NAV3: variants seen among roughly 807,000 people sequenced by gnomAD.
The protein encoded by NAV3 is neuron navigator 3.
A neutral mutation model predicts 244.7 loss-of-function variants in NAV3; 87 were observed. The ratio of observed to expected loss-of-function variants is 0.36; its 90% CI spans 0.30 to 0.42. The LOEUF is 0.42. Among genes scored for constraint, NAV3 ranks in the 20% least tolerant of loss-of-function variants. The pLI is 1.00. For missense variants in NAV3, 2,663 were observed against 2,893.3 expected (o/e 0.92, Z 1.83); for synonymous variants, 1,126 against 1,042.2 (o/e 1.08, Z -1.55).
At chr12:77,777,874 C>G in intron 2 of NAV3, among the ~76,000 whole-genome samples, 1 of 151,048 alleles carries the variant, frequency 6.6e-6, no homozygotes, top group Admixed American at 6.6e-5. Context: ...GGCACGATGT[C>G]AGCTCACTGC....
At chr12:78,168,910 T>TGC in intron 24 of NAV3, 44 bp downstream of exon 24, 5 of 1,234,750 alleles carry the variant, frequency 4.0e-6, no homozygotes, top group Non-Finnish European at 5.8e-6. Context: ...ATAATAGACA[T>TGC]CTATTTTATT....
Position 77,947,750 on chromosome 12 carries a change from G to A in NAV3, c.414+6617G>A, listed in dbSNP as rs549364420. Among the ~76,000 whole-genome samples the A allele has an allele frequency of 5.3e-5, 8 of 151,538 alleles. No individual in the cohort carries two copies. In the East Asian group the frequency reaches 7.7e-4, roughly 15 times the overall value. On this transcript the variant is annotated intron_variant, in intron 3 of 39. Coordinates refer to ENST00000397909, the MANE Select transcript of NAV3 (RefSeq NM_001024383.2). The stretch of plus-strand genomic sequence containing the variant: ...ATTTCATTATTTTTATACAAACTTC[G>A]CAAAAATATGTATAAACTACTAGTA...
At chr12:77,582,622 G>T (rs529545553) in intron 2 of NAV3, among the ~76,000 whole-genome samples, 3 of 152,194 alleles carry the variant, frequency 2.0e-5, no homozygotes, top group African/African-American at 7.2e-5. Flanking sequence ...AGTCCACACA[G>T]GTAGGGCCAT....
chr12:78,181,022 A>G lies in NAV3; in HGVS notation c.5669A>G (p.Asn1890Ser). The change falls in exon 30 of 40, where the codon AAC (asparagine) becomes AGC (serine). Residue 1890 changes from asparagine (N) to serine (S), a missense_variant. Physicochemically the swap from Asn to Ser is conservative, Grantham distance 46. Coordinates refer to ENST00000397909, the MANE Select transcript of NAV3 (RefSeq NM_001024383.2). ...TTAGGACTTTCTCTAAACAATTTGAACATCACAGAGGCTGTTAGCTCAGGT... is the reference window on the plus strand; with the variant it reads ...TTAGGACTTTCTCTAAACAATTTGAGCATCACAGAGGCTGTTAGCTCAGGT... ...QSLGLSLNNL[N>S]ITEAVSSDIL... is the part of the protein sequence containing the mutation. 6.2e-7 allele frequency: 1 copy of G among 1,613,032 alleles called. No homozygotes were observed. The highest frequency in any genetic ancestry group is 8.5e-7 in the Non-Finnish European group (1 of 1,179,280).
intron 1 of NAV3, 47 bp downstream of exon 1, chr12:77,831,751 T>A (rs1402779404): frequency 5.8e-6 from 9 of 1,542,644 alleles, no homozygotes; most frequent in Non-Finnish European, 7.8e-6. Context: ...AAAATGCACA[T>A]TTCTCTTTAA....
chr12:78,154,256 T>TGTAATATATAGTATATATTACTAG (rs1957192522), intron 22 of NAV3, among the ~76,000 whole-genome samples: 2 of 128,424 alleles, frequency 1.6e-5, no homozygotes, highest in Admixed American at 8.8e-5. Flanking sequence ...TATATTACTA[T>TGTAATATATAGTATATATTACTAG]ATAATATATA....
At chr12:78,117,650 T>G (rs1955479317) in intron 13 of NAV3, among the ~76,000 whole-genome samples, 1 of 151,624 alleles carries the variant, frequency 6.6e-6, no homozygotes. Flanking sequence ...ATAGTCTAAT[T>G]TTAGATAGTT....
chr12:78,120,044 T>C lies in NAV3; in HGVS notation c.3749+99T>C, dbSNP rs571692286. 6.2e-3 allele frequency: 4,371 copies of C among 707,830 alleles called. 154 individuals are homozygous for C. The African/African-American group carries it at 0.094, about 15-fold the overall frequency. 43.8% of individuals were successfully genotyped at this position (707,830 alleles called of 1,614,324 possible). The stretch of plus-strand genomic sequence containing the variant: ...TGTGTGTATATATATATTTTAAATA[T>C]GTATAAGGTATATATATATCTTAGA... On this transcript the variant is annotated intron_variant, in intron 15 of 39. Coordinates refer to ENST00000397909, the MANE Select transcript of NAV3 (RefSeq NM_001024383.2).
chr12:78,189,775 T>A (rs1958893026), intron 33 of NAV3, among the ~76,000 whole-genome samples: 1 of 151,948 alleles, frequency 6.6e-6, no homozygotes, highest in African/African-American at 2.4e-5. Context: ...AACAGCTTGC[T>A]TTTGTTTAGA....
At chr12:77,860,646 A>T (rs569823487) in intron 1 of NAV3, among the ~76,000 whole-genome samples, 3 of 151,978 alleles carry the variant, frequency 2.0e-5, no homozygotes, top group Admixed American at 6.6e-5. Flanking sequence ...GCTAAACAAG[A>T]TTGCTAGATA....
At chr12:77,924,849 A>G (rs1888038371) in intron 1 of NAV3, among the ~76,000 whole-genome samples, 1 of 151,998 alleles carries the variant, frequency 6.6e-6, no homozygotes. Context: ...AATAATGATG[A>G]CTTATAGTGT....
chr12:78,034,347 T>C (rs1036681948), intron 9 of NAV3, among the ~76,000 whole-genome samples: 1 of 151,738 alleles, frequency 6.6e-6, no homozygotes, highest in African/African-American at 2.4e-5. Flanking sequence ...TCAAAGGGGG[T>C]TTTCAGAGCC....
intron 8 of NAV3, among the ~76,000 whole-genome samples, chr12:78,021,059 A>C (rs186498664): frequency 6.6e-6 from 1 of 152,312 alleles, no homozygotes; most frequent in Non-Finnish European, 1.5e-5. Flanking sequence ...AAGGGAAGAA[A>C]CATGCATGAA....
At chr12:77,671,202 C>CA (rs71440488) in intron 2 of NAV3, among the ~76,000 whole-genome samples, 295 of 150,724 alleles carry the variant, frequency 2.0e-3, no homozygotes, top group Non-Finnish European at 3.3e-3. Flanking sequence ...TGCAAACAAA[C>CA]AAAAAACAAG....
At chr12:78,199,759 G>C (rs1467408986) in intron 37 of NAV3, among the ~76,000 whole-genome samples, 1 of 151,822 alleles carries the variant, frequency 6.6e-6, no homozygotes, top group Admixed American at 6.6e-5. Flanking sequence ...GATCAGATAA[G>C]TTCAATATGG....
intron 2 of NAV3, among the ~76,000 whole-genome samples, chr12:77,583,202 A>G (rs1388866221): frequency 6.6e-6 from 1 of 152,336 alleles, no homozygotes; most frequent in African/African-American, 2.4e-5. Context: ...GCTGCTGGTA[A>G]TTAATTTCTA....
At chr12:78,028,343 A>G (rs1261459542) in intron 9 of NAV3, among the ~76,000 whole-genome samples, 1 of 152,218 alleles carries the variant, frequency 6.6e-6, no homozygotes, top group Non-Finnish European at 1.5e-5. Flanking sequence ...AAGAAAATAT[A>G]TGACATTAAA....
chr12:77,772,630 C>A (rs553681050), intron 2 of NAV3, among the ~76,000 whole-genome samples: 1 of 152,048 alleles, frequency 6.6e-6, no homozygotes, highest in African/African-American at 2.4e-5. Context: ...TTTGGTTATC[C>A]TTTTACTTTA....
chr12:77,697,639 C>T (rs1875373607), intron 2 of NAV3, among the ~76,000 whole-genome samples: 1 of 152,116 alleles, frequency 6.6e-6, no homozygotes. Context: ...ATTAATCACT[C>T]ATGCATTAAG....
Sources: allele counts gnomAD v4.1 joint callset (sites outside exome capture counted in the v4.1 genomes callset), GRCh38; gene constraint gnomAD v4.1.1; transcripts MANE v1.5; gene names NCBI Gene and HGNC (gene_info 2026-07-23, HGNC 2026-07-21).